Variants in CCDC149 observed in about 807,000 individuals in gnomAD.
CCDC149 encodes coiled-coil domain containing 149.
CCDC149 carries 45 observed loss-of-function variants against 59.9 expected under a neutral mutation model. The ratio of observed to expected loss-of-function variants is 0.75; its 90% CI spans 0.59 to 0.96. CCDC149 has a LOEUF of 0.96. Ranked by LOEUF, CCDC149 falls within the 40% of genes least tolerant of loss-of-function variation. The probability of loss-of-function intolerance (pLI) is 0.00; values close to 1 mark genes in which losing one functional copy is unlikely to be tolerated. For synonymous variants in CCDC149, 245 were observed against 260.6 expected, an observed-to-expected ratio of 0.94 and a Z score of 0.58; for missense variants, 584 against 664.7, an observed-to-expected ratio of 0.88 and a Z score of 1.33.
intron 1 of CCDC149, among the ~76,000 whole-genome samples, chr4:24,963,731 A>C (rs1723714233): frequency 6.6e-6 from 1 of 152,260 alleles, no homozygotes; most frequent in African/African-American, 2.4e-5. Flanking sequence ...AATAGATACC[A>C]ATACTGAAAT....
chr4:24,907,399 G>A (rs1721598419), intron 1 of CCDC149, among the ~76,000 whole-genome samples: 1 of 152,154 alleles, frequency 6.6e-6, no homozygotes, highest in Non-Finnish European at 1.5e-5. Flanking sequence ...TCCACTCACA[G>A]TCCACGTGTC....
intron 1 of CCDC149, among the ~76,000 whole-genome samples, chr4:24,953,775 A>C (rs554846447): frequency 6.6e-6 from 1 of 152,342 alleles, no homozygotes; most frequent in African/African-American, 2.4e-5. Context: ...TCAAAGAACT[A>C]AAGGAAGATG....
At chr4:24,803,941 T>C (rs951020019), downstream of CCDC149, among the ~76,000 whole-genome samples, 23 of 152,194 alleles carry the variant, frequency 1.5e-4, no homozygotes, top group African/African-American at 5.1e-4. The surrounding 1 kb of genome is among the most constrained non-coding windows in gnomAD (Gnocchi z 4.3). Flanking sequence ...TCTTTCCTAT[T>C]TTTTCTGCTA....
At chr4:24,826,250 G>A (rs866087237) in intron 9 of CCDC149, among the ~76,000 whole-genome samples, 14 of 152,252 alleles carry the variant, frequency 9.2e-5, no homozygotes, top group Middle Eastern at 3.4e-3. Context: ...GTGAGCCACC[G>A]TGCCCAGCCC....
intron 1 of CCDC149, among the ~76,000 whole-genome samples, chr4:24,924,108 C>T (rs1303462988): frequency 1.3e-5 from 2 of 152,148 alleles, no homozygotes; most frequent in Non-Finnish European, 2.9e-5. Flanking sequence ...AGACATATGG[C>T]TACACACCAC....
chr4:24,913,116 G>A (rs954521597), upstream of CCDC149, among the ~76,000 whole-genome samples: 1 of 150,676 alleles, frequency 6.6e-6, no homozygotes, highest in Admixed American at 6.6e-5. Context: ...GAGCCCCGCC[G>A]GGCCCGCCCC....
At chr4:24,817,559 GTCT>G (rs1268021683) in intron 12 of CCDC149, among the ~76,000 whole-genome samples, 2 of 151,824 alleles carry the variant, frequency 1.3e-5, no homozygotes. Flanking sequence ...ATAAGAAGTG[GTCT>G]TCTTACCACT....
At chr4:24,930,818 G>A (rs1016293180) in intron 1 of CCDC149, among the ~76,000 whole-genome samples, 5 of 152,104 alleles carry the variant, frequency 3.3e-5, no homozygotes, top group African/African-American at 1.2e-4. Context: ...AAAAATTTCT[G>A]TTTTAGAGAT....
At chr4:24,827,228 T>A (rs545474582) in intron 9 of CCDC149, 1 of 152,354 alleles carries the variant, frequency 6.6e-6, no homozygotes, top group Non-Finnish European at 1.5e-5. Context: ...AGTGAAGGTC[T>A]TTAAGGAAAG....
Position 24,808,368 on chromosome 4 carries a change from T to C in CCDC149, c.*21A>G. The C allele has an allele frequency of 6.9e-7, 1 of 1,440,962 alleles. No individual in the cohort carries two copies. Among genetic ancestry groups the C allele is most frequent in the African/African-American group, 1.4e-5 (1 of 69,752 alleles). The allele number at this position is 1,440,962 out of a possible 1,614,324, so 89.3% of individuals were successfully genotyped here. ...CTCTCTGGGGCTTTCAATGTGTCAT[T>C]GTGTCAGATCCCTCTCCCCTTCAGG... On this transcript the variant is annotated 3_prime_UTR_variant, in exon 13 of 13. Coordinates refer to ENST00000635206, the MANE Select transcript of CCDC149 (RefSeq NM_001330643.2).
intron 1 of CCDC149, among the ~76,000 whole-genome samples, chr4:24,882,601 A>G (rs189501666): frequency 4.9e-4 from 75 of 152,334 alleles, no homozygotes; most frequent in African/African-American, 1.8e-3. Flanking sequence ...CAGTGACCTA[A>G]GCTGATGAGA....
intron 3 of CCDC149, among the ~76,000 whole-genome samples, chr4:24,856,837 C>G (rs150509833): frequency 1.3e-5 from 2 of 152,362 alleles, no homozygotes; most frequent in African/African-American, 4.8e-5. Context: ...ATCCTTTTCC[C>G]TGGCAGCAAA....
intron 1 of CCDC149, among the ~76,000 whole-genome samples, chr4:24,903,161 T>G (rs1367008069): frequency 4.6e-5 from 7 of 151,956 alleles, no homozygotes; most frequent in South Asian, 2.1e-4. Flanking sequence ...AAGCCAGACA[T>G]TCTGCCTTTA....
At chr4:24,905,807 CT>C (rs1238733174) in intron 1 of CCDC149, among the ~76,000 whole-genome samples, 2 of 152,182 alleles carry the variant, frequency 1.3e-5, no homozygotes, top group African/African-American at 4.8e-5. Flanking sequence ...CATTCACAGC[CT>C]CTCTTACAAC....
At chr4:24,911,817 T>C (rs1375303423) in intron 1 of CCDC149, among the ~76,000 whole-genome samples, 1 of 151,726 alleles carries the variant, frequency 6.6e-6, no homozygotes, top group African/African-American at 2.4e-5. Flanking sequence ...AGTGAGGGAG[T>C]AGAGGGTTTC....
chr4:24,858,015 C>T (rs1718132887), intron 3 of CCDC149, among the ~76,000 whole-genome samples: 2 of 152,082 alleles, frequency 1.3e-5, no homozygotes, highest in Admixed American at 1.3e-4. Flanking sequence ...TTGACATACA[C>T]CTTAAAGAAC....
intron 1 of CCDC149, among the ~76,000 whole-genome samples, chr4:24,971,336 C>T (rs901242468): frequency 1.8e-4 from 28 of 152,276 alleles, no homozygotes; most frequent in African/African-American, 4.6e-4. Context: ...GCCCGGGGGA[C>T]GCCCTCGGCC....
Position 24,876,092 on chromosome 4 carries a change from G to C in CCDC149, c.225+444C>G, listed in dbSNP as rs373201656. Among the ~76,000 whole-genome samples, 4 of 152,224 alleles carry C rather than the reference G, an allele frequency of 2.6e-5. No individual in the cohort carries two copies. In the East Asian group the frequency reaches 5.8e-4, roughly 22 times the overall value. On this transcript the variant is annotated intron_variant, in intron 2 of 12. Coordinates refer to ENST00000635206, the MANE Select transcript of CCDC149 (RefSeq NM_001330643.2). ...AGGGTATCCACGATGCCTACGTGGT[G>C]CACTCGCTAGTCACTTAGGAGCTGG...
chr4:24,817,092 G>A (rs576058378), intron 12 of CCDC149, among the ~76,000 whole-genome samples: 1 of 152,294 alleles, frequency 6.6e-6, no homozygotes, highest in South Asian at 2.1e-4. Context: ...AACTCTGGAA[G>A]CTATCATTTT....
Sources: allele counts gnomAD v4.1 joint callset (sites outside exome capture counted in the v4.1 genomes callset), GRCh38; gene constraint gnomAD v4.1.1; non-coding constraint Gnocchi (gnomAD v3.1); transcripts MANE v1.5; gene names NCBI Gene and HGNC (gene_info 2026-07-23, HGNC 2026-07-21).